Variants in MDFIC2 observed in about 807,000 individuals in gnomAD.
MDFIC2 encodes myoD family inhibitor domain-containing protein 2.
intron 2 of MDFIC2, among the ~76,000 whole-genome samples, chr3:70,240,440 A>G (rs1434393535): frequency 6.6e-6 from 1 of 151,992 alleles, no homozygotes; most frequent in African/African-American, 2.4e-5. Flanking sequence ...AAGAACATAT[A>G]TTTTTGACAC....
rs572236622 is a variant in MDFIC2 at position 70,286,600 on chromosome 3, T to C, written c.88+25286A>G. Among the ~76,000 whole-genome samples the C allele has an allele frequency of 3.5e-3, 534 of 152,046 alleles. 3 individuals carry two copies. The highest frequency in any genetic ancestry group is 0.012 in the African/African-American group (516 of 41,422). ...GTTTTTTCCAATTCTGTGAAGAAAG[T>C]CATTGGTAGCTTGATGGGGATGGCA... On this transcript the variant is annotated intron_variant, in intron 2 of 3. Transcript: ENST00000567252.
chr3:70,278,743 G>T (rs1702052342), intron 2 of MDFIC2, among the ~76,000 whole-genome samples: 1 of 152,058 alleles, frequency 6.6e-6, no homozygotes, highest in South Asian at 2.1e-4. Context: ...ATCTAAGTTG[G>T]TGCTCTATTT....
At chr3:70,217,493 G>T (rs1205102710) in intron 2 of MDFIC2, among the ~76,000 whole-genome samples, 2 of 152,086 alleles carry the variant, frequency 1.3e-5, no homozygotes, top group Admixed American at 1.3e-4. Context: ...GGAGAAGTTT[G>T]TCTATGCTCT....
intron 2 of MDFIC2, among the ~76,000 whole-genome samples, chr3:70,217,275 C>T (rs566462797): frequency 9.9e-5 from 15 of 152,168 alleles, no homozygotes; most frequent in East Asian, 5.8e-4. Context: ...TCAGTACAAA[C>T]GTAGATAGTT....
intron 2 of MDFIC2, among the ~76,000 whole-genome samples, chr3:70,210,824 G>A (rs1342210543): frequency 6.6e-6 from 1 of 152,042 alleles, no homozygotes; most frequent in Non-Finnish European, 1.5e-5. Flanking sequence ...TGGGCTACAG[G>A]TAATTGCAAG....
At chr3:70,201,836 C>A (rs964108839) in intron 3 of MDFIC2, among the ~76,000 whole-genome samples, 3 of 152,170 alleles carry the variant, frequency 2.0e-5, no homozygotes, top group African/African-American at 7.2e-5. Context: ...AGATCATTTT[C>A]CACTTGCTCT....
intron 2 of MDFIC2, among the ~76,000 whole-genome samples, chr3:70,306,347 A>G (rs953181914): frequency 8.5e-5 from 13 of 152,076 alleles, no homozygotes; most frequent in African/African-American, 2.9e-4. Context: ...TCCTGACCTC[A>G]TGATCTACCC....
chr3:70,260,495 C>A (rs923652346), intron 2 of MDFIC2, among the ~76,000 whole-genome samples: 1 of 152,080 alleles, frequency 6.6e-6, no homozygotes, highest in African/African-American at 2.4e-5. Context: ...CAGCCCCATT[C>A]CCTATCATCT....
chr3:70,226,506 G>A (rs907863595), intron 2 of MDFIC2, among the ~76,000 whole-genome samples: 1 of 152,156 alleles, frequency 6.6e-6, no homozygotes, highest in Non-Finnish European at 1.5e-5. Context: ...GGGAGGCTGA[G>A]GCATGTGGAT....
At chr3:70,221,866 C>T (rs1701463390) in intron 2 of MDFIC2, among the ~76,000 whole-genome samples, 1 of 152,134 alleles carries the variant, frequency 6.6e-6, no homozygotes, top group South Asian at 2.1e-4. Flanking sequence ...TTTGTCGTTA[C>T]TTTCAATTGG....
chr3:70,243,684 A>G (rs1701680947), intron 2 of MDFIC2, among the ~76,000 whole-genome samples: 1 of 152,130 alleles, frequency 6.6e-6, no homozygotes, highest in South Asian at 2.1e-4. Context: ...CAACGTCTCC[A>G]GGTATTCCTA....
At chr3:70,304,413 T>G (rs1434859777) in intron 2 of MDFIC2, among the ~76,000 whole-genome samples, 5 of 152,182 alleles carry the variant, frequency 3.3e-5, no homozygotes, top group Non-Finnish European at 7.4e-5. Context: ...AGTTGACAGT[T>G]TCCATGGGGA....
At chr3:70,224,168 G>A (rs561885625) in intron 2 of MDFIC2, among the ~76,000 whole-genome samples, 70 of 152,090 alleles carry the variant, frequency 4.6e-4, no homozygotes, top group Non-Finnish European at 3.5e-4. Flanking sequence ...AACTGGATTC[G>A]TAGACTTTGG....
chr3:70,290,668 G>A (rs984264075), intron 2 of MDFIC2, among the ~76,000 whole-genome samples: 7 of 152,134 alleles, frequency 4.6e-5, no homozygotes, highest in Non-Finnish European at 5.9e-5. Flanking sequence ...CCTCGCTGCC[G>A]CCTTGCAGTT....
intron 2 of MDFIC2, among the ~76,000 whole-genome samples, chr3:70,234,439 A>G (rs1288109659): frequency 6.6e-6 from 1 of 152,088 alleles, no homozygotes; most frequent in African/African-American, 2.4e-5. Context: ...TCTTGAGCCC[A>G]GGAGTTTGAG....
intron 2 of MDFIC2, chr3:70,272,069 A>G (rs1410544672): frequency 1.3e-5 from 2 of 152,146 alleles, no homozygotes; most frequent in Non-Finnish European, 2.9e-5. Context: ...GGCTATGGCT[A>G]ACACTTTTTT....
intron 2 of MDFIC2, among the ~76,000 whole-genome samples, chr3:70,253,897 T>A (rs944052402): frequency 3.3e-5 from 5 of 152,160 alleles, no homozygotes; most frequent in Admixed American, 3.3e-4. Context: ...TTTTTAAACA[T>A]ACTAAAAATG....
At chr3:70,223,756 T>A (rs1364087405) in intron 2 of MDFIC2, among the ~76,000 whole-genome samples, 2 of 152,186 alleles carry the variant, frequency 1.3e-5, no homozygotes, top group African/African-American at 4.8e-5. Flanking sequence ...TTGCATGCAA[T>A]CAATTTAATT....
intron 2 of MDFIC2, among the ~76,000 whole-genome samples, chr3:70,291,634 C>T (rs1156364054): frequency 6.6e-6 from 1 of 152,184 alleles, no homozygotes; most frequent in Admixed American, 6.5e-5. Flanking sequence ...CTGGCTGTCA[C>T]TTTCCCCTGT....
Sources: gnomAD v4.1 joint callset for allele counts (sites outside exome capture counted in the v4.1 genomes callset) on GRCh38, gnomAD v4.1.1 for gene constraint, MANE v1.5 for transcripts, NCBI Gene and HGNC (gene_info 2026-07-23, HGNC 2026-07-21) for gene names.